SYNPO: variants seen among roughly 807,000 people sequenced by gnomAD.
The protein encoded by SYNPO is synaptopodin.
SYNPO carries 19 observed loss-of-function variants against 49.5 expected under a neutral mutation model. The ratio of observed to expected loss-of-function variants is 0.38; its 90% CI spans 0.27 to 0.56. The LOEUF is 0.56. Among genes scored for constraint, SYNPO ranks in the 20% least tolerant of loss-of-function variants. The pLI is 0.68. For missense variants in SYNPO, 1,131 were observed against 1,248.3 expected, an observed-to-expected ratio of 0.91 and a Z score of 1.42; for synonymous variants, 536 against 548.0, an observed-to-expected ratio of 0.98 and a Z score of 0.31.
the SYNPO span, among the ~76,000 whole-genome samples, chr5:150,594,621 A>G: frequency 6.6e-6 from 1 of 152,208 alleles, no homozygotes; most frequent in Non-Finnish European, 1.5e-5. Flanking sequence ...GATGGTCACT[A>G]AAAGCTCTCC....
the SYNPO span, among the ~76,000 whole-genome samples, chr5:150,588,410 G>A: frequency 6.6e-6 from 1 of 152,328 alleles, no homozygotes; most frequent in East Asian, 1.9e-4. Flanking sequence ...AGCTGGGGGT[G>A]TGTCTGCCAG....
the SYNPO span, among the ~76,000 whole-genome samples, chr5:150,587,005 T>C: frequency 6.6e-6 from 1 of 151,978 alleles, no homozygotes; most frequent in Non-Finnish European, 1.5e-5. Flanking sequence ...GGTGCATGGA[T>C]GGATATATGA....
chr5:150,648,667 C>G lies in SYNPO; in HGVS notation c.392C>G (p.Ala131Gly). Reference sequence around the variant, plus strand: ...CTCCCATCTAATGGCACAGGGCCTGCTTCCAAACCCAGCACCCTGTGTGCT... The same window carrying G: ...CTCCCATCTAATGGCACAGGGCCTGGTTCCAAACCCAGCACCCTGTGTGCT... The part of the protein sequence containing the change: ...AQLPSNGTGP[A>G]SKPSTLCADG... Residue 131 changes from alanine to glycine, a missense_variant, in exon 2 of 3, where the codon GCT becomes GGT. Transcript: ENST00000307662. This position sits in a 1 kb window ranked among gnomAD's most constrained non-coding sequence, Gnocchi z 5.0. 1 of 1,614,234 alleles carries G rather than the reference C, an allele frequency of 6.2e-7. No individual in the cohort carries two copies. The highest frequency in any genetic ancestry group is 1.1e-5 in the South Asian group (1 of 91,092).
At chr5:150,600,455 C>T (rs1581440838), upstream of SYNPO, among the ~76,000 whole-genome samples, 4 of 152,258 alleles carry the variant, frequency 2.6e-5, no homozygotes, top group Admixed American at 2.6e-4. Flanking sequence ...GAAGAAGGCA[C>T]AGCCCCTTGG....
intron 2 of SYNPO, chr5:150,652,591 TC>T (rs1477694430): frequency 5.1e-6 from 1 of 196,306 alleles, no homozygotes; most frequent in African/African-American, 2.4e-5. Context: ...AACCTTTTGT[TC>T]TTTCCTTCCC....
At chr5:150,610,277 C>T (rs7727638) in intron 1 of SYNPO, among the ~76,000 whole-genome samples, 7,407 of 152,252 alleles carry the variant, frequency 0.049, 269 homozygotes, top group East Asian at 0.13. Flanking sequence ...CATGTGGCCA[C>T]AGTCACAGGC....
chr5:150,651,784 C>G, intron 2 of SYNPO: 3 of 1,000,390 alleles, frequency 3.0e-6, no homozygotes, highest in Non-Finnish European at 3.6e-6. Flanking sequence ...TCAGTTTCCA[C>G]ATTCATACAG....
At chr5:150,645,163 A>G (rs556570146) in intron 1 of SYNPO, among the ~76,000 whole-genome samples, 4 of 152,050 alleles carry the variant, frequency 2.6e-5, no homozygotes, top group Admixed American at 2.0e-4. Context: ...GTGATGAAAT[A>G]CCTCCTCTGT....
intron 2 of SYNPO, among the ~76,000 whole-genome samples, chr5:150,619,252 A>G (rs1757076593): frequency 6.6e-6 from 1 of 152,014 alleles, no homozygotes; most frequent in Non-Finnish European, 1.5e-5. Context: ...GAAGCCTTTG[A>G]TAGAATTTGA....
chr5:150,631,532 G>A (rs1347603293), intron 2 of SYNPO, among the ~76,000 whole-genome samples: 1 of 152,206 alleles, frequency 6.6e-6, no homozygotes, highest in Non-Finnish European at 1.5e-5. Flanking sequence ...GAAGCACCAC[G>A]ACGGGAGCTG....
chr5:150,615,042 G>C (rs752053810), intron 1 of SYNPO: 1 of 152,252 alleles, frequency 6.6e-6, no homozygotes, highest in Non-Finnish European at 1.5e-5. Context: ...GTCAGGTAAA[G>C]GGCTGGGTTC....
At chr5:150,603,800 C>T (rs1482436561) in intron 1 of SYNPO, among the ~76,000 whole-genome samples, 2 of 152,210 alleles carry the variant, frequency 1.3e-5, no homozygotes, top group Non-Finnish European at 1.5e-5. Flanking sequence ...AAGCTCCTTG[C>T]CCTCTCTGGC....
At chr5:150,651,276 A>T in intron 2 of SYNPO, 1 of 1,001,206 alleles carries the variant, frequency 1.0e-6, no homozygotes, top group Non-Finnish European at 1.2e-6. Context: ...GCCCAGGGGG[A>T]GGCAGGAGAG....
At chr5:150,598,198 G>A (rs1305818673), upstream of SYNPO, among the ~76,000 whole-genome samples, 1 of 152,002 alleles carries the variant, frequency 6.6e-6, no homozygotes, top group Non-Finnish European at 1.5e-5. Flanking sequence ...GTTTAACCAG[G>A]ACCTCTCTGG....
rs11370207 is a variant in SYNPO at position 150,607,778 on chromosome 5, T to TAA, written c.-266+6600_-266+6601dup. 2.6e-3 allele frequency among the ~76,000 whole-genome samples: 377 copies of TAA among 146,798 alleles called. 2 individuals are homozygous for TAA. The highest frequency in any genetic ancestry group is 3.9e-3 in the Non-Finnish European group (258 of 66,472). ...TTATCTAGCAGGTACACTAAAAAGT[T>TAA]AAAAAAAAAAAGGTGGAAAAAAGAA... On this transcript the variant is annotated intron_variant, in intron 1 of 2. Transcript: ENST00000394243.
chr5:150,624,266 C>G (rs1046468764), intron 2 of SYNPO, among the ~76,000 whole-genome samples: 2 of 152,054 alleles, frequency 1.3e-5, no homozygotes, highest in African/African-American at 4.8e-5. Context: ...TGAGACATAG[C>G]GGGGAAGATG....
Position 150,659,164 on chromosome 5 carries a change from C to T in SYNPO, c.*2077C>T, listed in dbSNP as rs1432927186. On this transcript the variant is annotated 3_prime_UTR_variant, in exon 3 of 3. Coordinates refer to ENST00000307662, the MANE Select transcript of SYNPO (RefSeq NM_007286.6). Reference sequence around the variant, plus strand: ...ATTGCCTGTGTCCTGCCTCTTGCCTCTTGTAGAATGCAGCTCTGGCCCTCA... The same window carrying T: ...ATTGCCTGTGTCCTGCCTCTTGCCTTTTGTAGAATGCAGCTCTGGCCCTCA... The T allele has an allele frequency of 6.6e-6, 1 of 152,492 alleles. No homozygotes were observed. The highest frequency in any genetic ancestry group is 1.5e-5 in the Non-Finnish European group (1 of 68,126). The allele number at this position is 152,492 out of a possible 1,614,324, so 9.4% of individuals were successfully genotyped here.
rs564052339 is a variant in SYNPO, at chr5:150,602,332, G to T, written c.-266+1144G>T. Among the ~76,000 whole-genome samples, 7 of 152,340 alleles carry T rather than the reference G, an allele frequency of 4.6e-5. No individual in the cohort carries two copies. The South Asian group carries it at 1.0e-3, about 23-fold the overall frequency. On this transcript the variant is annotated intron_variant, in intron 1 of 2. Coordinates refer to the SYNPO transcript ENST00000394243. ...CCTATCCCCACAATGGCAGAGTTGG[G>T]CCAGGATAGTGTTTTCCAAAGTCTG... is the stretch of plus-strand genomic sequence containing the variant.
At chr5:150,642,997 G>A (rs890493657) in intron 1 of SYNPO, among the ~76,000 whole-genome samples, 63 of 152,340 alleles carry the variant, frequency 4.1e-4, no homozygotes, top group African/African-American at 1.5e-3. Context: ...CCTTGGCTGG[G>A]CCTCCCAGGC....
Sources: gnomAD v4.1 joint callset for allele counts (sites outside exome capture counted in the v4.1 genomes callset) on GRCh38, gnomAD v4.1.1 for gene constraint, Gnocchi (gnomAD v3.1) non-coding constraint, MANE v1.5 for transcripts, NCBI Gene and HGNC (gene_info 2026-07-23, HGNC 2026-07-21) for gene names.